EYS: variants seen among roughly 807,000 people sequenced by gnomAD.
EYS encodes EGF-like photoreceptor maintenance factor.
Under a neutral mutation model 282.1 loss-of-function variants are expected in EYS, and 250 were observed. The observed-to-expected ratio is 0.89, with a 90% confidence interval of 0.80 to 0.98. The LOEUF (loss-of-function observed/expected upper bound fraction) is 0.98, where lower values mean the gene tolerates loss of function less well. Ranked by LOEUF, EYS falls within the 50% of genes least tolerant of loss-of-function variation. The pLI is 0.00. For missense variants in EYS, 4,016 were observed against 3,709.0 expected, an observed-to-expected ratio of 1.08 and a Z score of -2.15; for synonymous variants, 1,355 against 1,282.9, an observed-to-expected ratio of 1.06 and a Z score of -1.20.
Position 65,151,341 on chromosome 6 carries a change from A to T in EYS, c.2024-93614T>A, listed in dbSNP as rs143860473. 4.1e-3 allele frequency among the ~76,000 whole-genome samples: 626 copies of T among 151,936 alleles called. 5 individuals carry two copies. The highest frequency in any genetic ancestry group is 0.014 in the African/African-American group (601 of 41,528). ...ATCTGTAGAAGATAGGGAAGGAGAG[A>T]TAATTGGGCAGAGGGACAATTTCAG... On this transcript the variant is annotated intron_variant, in intron 12 of 42. Coordinates refer to ENST00000503581, the MANE Select transcript of EYS (RefSeq NM_001142800.2).
At chr6:63,966,350 G>GT (rs1249050011) in intron 35 of EYS, among the ~76,000 whole-genome samples, 2 of 152,168 alleles carry the variant, frequency 1.3e-5, no homozygotes, top group African/African-American at 2.4e-5. Flanking sequence ...ACAAAGGACT[G>GT]TGAGGACTTG....
At chr6:65,218,326 A>G (rs1766370201) in intron 12 of EYS, among the ~76,000 whole-genome samples, 1 of 152,120 alleles carries the variant, frequency 6.6e-6, no homozygotes, top group Non-Finnish European at 1.5e-5. Flanking sequence ...AGGAAAAAAA[A>G]TTTAGTTATT....
rs535820909 is a variant in EYS at position 64,405,594 on chromosome 6, A to C, written c.5928-16754T>G. ...TTAGAAAACGCCATCATCTCAGCCC[A>C]AAATCTCCTTAAGCTGATAAGCAAC... On this transcript the variant is annotated intron_variant, in intron 28 of 42. Coordinates refer to ENST00000503581, the MANE Select transcript of EYS (RefSeq NM_001142800.2). 1.6e-4 allele frequency among the ~76,000 whole-genome samples: 24 copies of C among 152,338 alleles called. 1 individual carries two copies. The South Asian group carries it at 5.0e-3, about 32-fold the overall frequency.
At chr6:65,455,940 T>C (rs926632684) in intron 5 of EYS, among the ~76,000 whole-genome samples, 1 of 134,138 alleles carries the variant, frequency 7.5e-6, no homozygotes, top group Non-Finnish European at 1.5e-5. Flanking sequence ...CGGACAAGGA[T>C]GCAGGAAAGA....
chr6:64,261,709 A>T (rs9344936), intron 30 of EYS, among the ~76,000 whole-genome samples: 102,907 of 151,654 alleles, frequency 0.68, 34,953 homozygotes, highest in South Asian at 0.71. Context: ...GTTTTGGCAT[A>T]TATTGAGATG....
intron 33 of EYS, among the ~76,000 whole-genome samples, chr6:64,015,164 T>C (rs986462163): frequency 1.3e-5 from 2 of 152,172 alleles, no homozygotes; most frequent in East Asian, 3.8e-4. Context: ...TGTTTTGCAC[T>C]CTTACAATAG....
chr6:65,374,492 T>C (rs1453190563), intron 8 of EYS, among the ~76,000 whole-genome samples: 3 of 140,350 alleles, frequency 2.1e-5, no homozygotes, highest in Non-Finnish European at 4.7e-5. Flanking sequence ...GACACTGAGC[T>C]ACCTGCGGAG....
At chr6:64,901,841 TA>T (rs1206434003) in intron 18 of EYS, among the ~76,000 whole-genome samples, 4 of 152,164 alleles carry the variant, frequency 2.6e-5, no homozygotes, top group African/African-American at 9.6e-5. Context: ...CTCTACACAA[TA>T]TTGTTTTGCT....
intron 31 of EYS, among the ~76,000 whole-genome samples, chr6:64,124,313 T>A (rs1582303902): frequency 6.6e-6 from 1 of 152,202 alleles, no homozygotes; most frequent in South Asian, 2.1e-4. Context: ...CTTTTCTTTA[T>A]GCTTGGATAC....
Position 64,646,525 on chromosome 6 carries a change from A to G in EYS, c.3444-20280T>C, listed in dbSNP as rs572098714. On this transcript the variant is annotated intron_variant, in intron 22 of 42. Coordinates refer to ENST00000503581, the MANE Select transcript of EYS (RefSeq NM_001142800.2). ...ATTTATAAGAAAATTCTTTATAGGC[A>G]GGGCGCGGTGACTCACTCCTGTAAT... 6.6e-5 allele frequency among the ~76,000 whole-genome samples: 10 copies of G among 152,210 alleles called. No individual in the cohort carries two copies. In the East Asian group the frequency reaches 1.9e-3, roughly 29 times the overall value.
chr6:65,008,980 T>G lies in EYS; in HGVS notation c.2138-11277A>C, dbSNP rs4265022. On this transcript the variant is annotated intron_variant, in intron 13 of 42. Transcript: ENST00000503581. ...GATGGGGCGCTTTACTCTTTTCACA[T>G]GCTTTTCTAATTATGCCTGAAAGCC... Among the ~76,000 whole-genome samples, 257 of 152,284 alleles carry G rather than the reference T, an allele frequency of 1.7e-3. 4 individuals are homozygous for G. Among genetic ancestry groups the G allele is most frequent in the Admixed American group, 0.014 (213 of 15,296 alleles).
At chr6:65,222,511 C>T (rs1265595179) in intron 12 of EYS, among the ~76,000 whole-genome samples, 2 of 152,156 alleles carry the variant, frequency 1.3e-5, no homozygotes, top group African/African-American at 4.8e-5. Flanking sequence ...ACTGTGAGTC[C>T]ATTAAACCTC....
At chr6:64,540,228 T>G (rs1168914079) in intron 26 of EYS, among the ~76,000 whole-genome samples, 1 of 152,176 alleles carries the variant, frequency 6.6e-6, no homozygotes, top group Non-Finnish European at 1.5e-5. Context: ...AGCTTCTGTC[T>G]TACATCCTTT....
chr6:64,457,786 A>AT (rs34428442), intron 26 of EYS, among the ~76,000 whole-genome samples: 5 of 128,498 alleles, frequency 3.9e-5, no homozygotes, highest in East Asian at 2.5e-4. Context: ...TAGTTGGGTC[A>AT]TTTTTTTTCC....
chr6:63,835,173 C>G (rs1282523294), intron 36 of EYS, among the ~76,000 whole-genome samples: 2 of 151,146 alleles, frequency 1.3e-5, no homozygotes, highest in Non-Finnish European at 3.0e-5. Flanking sequence ...GCACATTGTG[C>G]ACATGTACCC....
intron 30 of EYS, among the ~76,000 whole-genome samples, chr6:64,231,586 T>C (rs1159539400): frequency 6.6e-6 from 1 of 152,180 alleles, no homozygotes; most frequent in Non-Finnish European, 1.5e-5. Context: ...AATTCCTGTC[T>C]AAATTTCACC....
chr6:65,114,462 ATTT>A (rs5876942), intron 12 of EYS, among the ~76,000 whole-genome samples: 39,022 of 148,660 alleles, frequency 0.26, 6,346 homozygotes, highest in African/African-American at 0.45. Context: ...TTCCAAACTA[ATTT>A]TTTTTTTTTA....
chr6:64,855,245 T>A (rs1766021001), intron 19 of EYS, among the ~76,000 whole-genome samples: 1 of 152,080 alleles, frequency 6.6e-6, no homozygotes, highest in Admixed American at 6.6e-5. Flanking sequence ...GTATGTTTTT[T>A]ACCGTTTTTG....
intron 22 of EYS, among the ~76,000 whole-genome samples, chr6:64,703,483 A>C (rs557501115): frequency 1.1e-4 from 14 of 127,712 alleles, no homozygotes; most frequent in Admixed American, 1.8e-4. Context: ...AGGCTGGAGT[A>C]GTGCAGTGGC....
Sources: allele counts gnomAD v4.1 joint callset (sites outside exome capture counted in the v4.1 genomes callset), GRCh38; gene constraint gnomAD v4.1.1; transcripts MANE v1.5; gene names NCBI Gene and HGNC (gene_info 2026-07-23, HGNC 2026-07-21).